Variants in DNAH11 observed in about 807,000 individuals in gnomAD.
DNAH11 encodes the protein dynein axonemal heavy chain 11, also known as axonemal beta dynein heavy chain 11.
In DNAH11, 442 loss-of-function variants were observed where a neutral mutation model predicts 526.0. The ratio of observed to expected loss-of-function variants is 0.84; its 90% CI spans 0.78 to 0.91. The LOEUF (loss-of-function observed/expected upper bound fraction) is 0.91. DNAH11 is among the 40% of genes least tolerant of loss of function. The pLI is 0.00. For synonymous variants in DNAH11, 2,461 were observed against 1,935.9 expected (o/e 1.27, Z -7.12); for missense variants, 6,989 against 5,448.7 (o/e 1.28, Z -8.90).
At chr7:21,693,605 G>A (rs1482435634) in intron 35 of DNAH11, among the ~76,000 whole-genome samples, 1 of 152,036 alleles carries the variant, frequency 6.6e-6, no homozygotes, top group Non-Finnish European at 1.5e-5. Context: ...GATTTTTATT[G>A]GAATCTTTTT....
chr7:21,633,238 A>G (rs889872997), intron 25 of DNAH11, among the ~76,000 whole-genome samples: 16 of 152,148 alleles, frequency 1.1e-4, no homozygotes, highest in Non-Finnish European at 1.9e-4. Flanking sequence ...CTAACATATG[A>G]TCTGTCTTGG....
chr7:21,856,759 A>C (rs188041251), intron 68 of DNAH11, among the ~76,000 whole-genome samples: 1 of 140,978 alleles, frequency 7.1e-6, no homozygotes, highest in South Asian at 2.3e-4. Context: ...TGATGCAAAG[A>C]ACTTGAAAAA....
chr7:21,736,580 G>C (rs565582553), intron 46 of DNAH11, among the ~76,000 whole-genome samples: 42 of 152,314 alleles, frequency 2.8e-4, no homozygotes, highest in African/African-American at 9.4e-4. Flanking sequence ...AGCTATATCA[G>C]TGGAGACTAA....
At chr7:21,606,819 G>C (rs1484150164) in intron 20 of DNAH11, 86 bp downstream of exon 20, 33 of 1,189,534 alleles carry the variant, frequency 2.8e-5, no homozygotes, top group Non-Finnish European at 3.7e-5. Flanking sequence ...GCCACATTTT[G>C]TCTTTGTTTT....
chr7:21,700,704 C>T (rs1030062437), intron 36 of DNAH11, among the ~76,000 whole-genome samples: 1 of 152,126 alleles, frequency 6.6e-6, no homozygotes, highest in African/African-American at 2.4e-5. Context: ...GACTTGGAAC[C>T]AACCCAAATG....
intron 63 of DNAH11, among the ~76,000 whole-genome samples, chr7:21,809,667 G>T (rs1400761941): frequency 6.6e-6 from 1 of 152,048 alleles, no homozygotes; most frequent in East Asian, 1.9e-4. Context: ...AGGTTCAAGT[G>T]ATTCTCCTGC....
At chr7:21,714,403 TC>T (rs1360597934) in intron 42 of DNAH11, among the ~76,000 whole-genome samples, 2 of 152,190 alleles carry the variant, frequency 1.3e-5, no homozygotes, top group East Asian at 1.9e-4. Flanking sequence ...TATTTTCACC[TC>T]CCATTGCAAT....
rs781157478 is a variant in DNAH11 at position 21,717,852 on chromosome 7, TC to T, written c.7064del (p.Pro2355LeufsTer7). The T allele has an allele frequency of 6.2e-7, 1 of 1,613,928 alleles. No individual in the cohort carries two copies. ...ANLTILFDKY[V>X]PACLDKLRTS... Reference sequence around the variant, plus strand: ...TTGACTATTCTTTTTGATAAATATGTCCCTGCATGCTTGGATAAACTGAGAA... The same window carrying T: ...TTGACTATTCTTTTTGATAAATATGTCCTGCATGCTTGGATAAACTGAGAA... On this transcript the variant is annotated frameshift_variant, in exon 43 of 82. Coordinates refer to ENST00000409508, the MANE Select transcript of DNAH11 (RefSeq NM_001277115.2). LOFTEE classifies it high-confidence loss of function.
At chr7:21,855,266 C>T (rs977975044) in intron 68 of DNAH11, among the ~76,000 whole-genome samples, 7 of 152,032 alleles carry the variant, frequency 4.6e-5, no homozygotes, top group African/African-American at 1.7e-4. Flanking sequence ...CTCCTGACCT[C>T]GTGATCTGCC....
At chr7:21,723,996 T>C (rs1195600856) in intron 44 of DNAH11, among the ~76,000 whole-genome samples, 1 of 152,256 alleles carries the variant, frequency 6.6e-6, no homozygotes, top group African/African-American at 2.4e-5. Flanking sequence ...CTCTCCTCTA[T>C]GTTCCCCATA....
Position 21,892,528 on chromosome 7 carries a change from C to G in DNAH11, c.12611C>G (p.Pro4204Arg). The change falls in exon 77 of 82, where the codon CCG (proline) becomes CGG (arginine). Residue 4204 changes from proline to arginine, a missense_variant. Transcript: ENST00000409508. Reference sequence around the variant, plus strand: ...GAGGAGATGCTTCCTCCAGAAAGCCCGGCACTGTATGGCCTCCACCCAAAT... The same window carrying G: ...GAGGAGATGCTTCCTCCAGAAAGCCGGGCACTGTATGGCCTCCACCCAAAT... ...YIEEMLPPES[P>R]ALYGLHPNAE... The G allele has an allele frequency of 6.2e-7, 1 of 1,613,920 alleles. No homozygotes were observed. The highest frequency in any genetic ancestry group is 2.2e-5 in the East Asian group (1 of 44,876).
chr7:21,734,309 C>G (rs780468473), intron 45 of DNAH11, among the ~76,000 whole-genome samples: 1 of 152,196 alleles, frequency 6.6e-6, no homozygotes, highest in Non-Finnish European at 1.5e-5. Flanking sequence ...GCCACATACT[C>G]ATTTCCAAGT....
At position 21,614,989 on chromosome 7, in the gene DNAH11, C is replaced by T; in HGVS notation, c.3853-125C>T. On this transcript the variant is annotated intron_variant, in intron 20 of 81. Transcript: ENST00000409508. The stretch of plus-strand genomic sequence containing the variant: ...CTACATTTTGCCAGTAATTACGCTG[C>T]AGATTTATTTTTATTTTCCCGTTAA... The T allele has an allele frequency of 2.6e-6, 3 of 1,141,376 alleles. No individual in the cohort carries two copies. The South Asian group carries it at 5.0e-5, about 19-fold the overall frequency. The allele number at this position is 1,141,376 out of a possible 1,614,324, so 70.7% of individuals were successfully genotyped here.
At chr7:21,851,248 C>T in intron 66 of DNAH11, 1 of 224,202 alleles carries the variant, frequency 4.5e-6, no homozygotes, top group Non-Finnish European at 9.0e-6. Context: ...GGGGCTTTTC[C>T]CCCTTTGCTG....
At chr7:21,623,965 T>C (rs1786206237) in intron 25 of DNAH11, among the ~76,000 whole-genome samples, 1 of 150,512 alleles carries the variant, frequency 6.6e-6, no homozygotes, top group South Asian at 2.1e-4. Context: ...TAAAGTATAA[T>C]AATAATAATA....
chr7:21,707,474 A>G (rs1316757511), intron 39 of DNAH11, among the ~76,000 whole-genome samples: 1 of 152,244 alleles, frequency 6.6e-6, no homozygotes, highest in Non-Finnish European at 1.5e-5. Flanking sequence ...TAAATGGTTC[A>G]AAGAGTCAAG....
intron 74 of DNAH11, among the ~76,000 whole-genome samples, 195 bp from the exon 75 acceptor site, chr7:21,880,507 T>G (rs981272611): frequency 4.6e-5 from 7 of 152,250 alleles, no homozygotes; most frequent in African/African-American, 1.7e-4. Flanking sequence ...AATAAAAGTA[T>G]TCCTCTTAAG....
chr7:21,694,120 A>G (rs1199894822), intron 35 of DNAH11, among the ~76,000 whole-genome samples: 3 of 152,162 alleles, frequency 2.0e-5, no homozygotes, highest in African/African-American at 7.2e-5. Flanking sequence ...TCAACATGAG[A>G]TTTGGGTTGG....
At chr7:21,659,978 T>A (rs745830778) in intron 30 of DNAH11, among the ~76,000 whole-genome samples, 1 of 152,098 alleles carries the variant, frequency 6.6e-6, no homozygotes, top group Non-Finnish European at 1.5e-5. Context: ...CACTTACTTT[T>A]GGGGAAAAAG....
Sources: allele counts gnomAD v4.1 joint callset (sites outside exome capture counted in the v4.1 genomes callset), GRCh38; gene constraint gnomAD v4.1.1; transcripts MANE v1.5; gene names NCBI Gene and HGNC (gene_info 2026-07-23, HGNC 2026-07-21).